Variants in MAN1A2 observed in about 807,000 individuals in gnomAD.
MAN1A2 encodes the protein mannosidase alpha class 1A member 2.
Under a neutral mutation model 75.7 loss-of-function variants are expected in MAN1A2, and 26 were observed. The observed-to-expected ratio is 0.34, with a 90% CI of 0.25 to 0.48. MAN1A2 has a LOEUF of 0.48. Ranked by LOEUF, MAN1A2 falls within the 20% of genes least tolerant of loss-of-function variation. MAN1A2 has a pLI of 0.99. For missense variants in MAN1A2, 562 were observed against 775.5 expected (o/e 0.72, Z 3.27); for synonymous variants, 247 against 264.6 (o/e 0.93, Z 0.65).
In MAN1A2 at chr1:117,393,486, T is replaced by G. The variant is rs377674417; in HGVS notation, c.303-8700T>G. On this transcript the variant is annotated intron_variant, in intron 1 of 12. Transcript: ENST00000356554. ...ATAACTGCTTCAACTATTTTTTTTTTTGTGTGTGTGTGTGTTTTCCTGGAT... is the reference window on the plus strand; with the variant it reads ...ATAACTGCTTCAACTATTTTTTTTTGTGTGTGTGTGTGTGTTTTCCTGGAT... 4.1e-3 allele frequency among the ~76,000 whole-genome samples: 616 copies of G among 151,474 alleles called. 2 individuals are homozygous for G. The highest frequency in any genetic ancestry group is 9.6e-3 in the South Asian group (46 of 4,792).
rs367659646 is a variant in MAN1A2 at position 117,457,629 on chromosome 1, T to C, written c.951-2860T>C. On this transcript the variant is annotated intron_variant, in intron 6 of 12. Transcript: ENST00000356554. ...GACTTTTGGCGAGATGTTCTTTTTA[T>C]AGAGAATGGCAAACTGTTGGACTTC... 2.2e-4 allele frequency among the ~76,000 whole-genome samples: 33 copies of C among 152,322 alleles called. 2 individuals carry two copies. In the East Asian group the frequency reaches 5.0e-3, roughly 23 times the overall value.
In MAN1A2 at chr1:117,526,868, CTCTCTCTCTCTCTATATATA is replaced by C. The variant is rs1396418026; in HGVS notation, c.*3913_*3932del. 5.0e-4 allele frequency: 47 copies of C among 94,264 alleles called. No homozygotes were observed. The highest frequency in any genetic ancestry group is 1.2e-3 in the Admixed American group (10 of 8,596). 5.8% of individuals were successfully genotyped at this position (94,264 alleles called of 1,614,324 possible). A position where few individuals can be genotyped will look rare whatever the true frequency, so the allele number is the denominator to read the frequency against. On this transcript the variant is annotated 3_prime_UTR_variant, in exon 13 of 13. Coordinates refer to ENST00000356554, the MANE Select transcript of MAN1A2 (RefSeq NM_006699.5). Reference sequence around the variant, plus strand: ...TCTCTCTCTCTCTCTCTCTCTCTCTCTCTCTCTCTCTCTATATATATATATATATATATATATATATGAGA... The same window carrying C: ...TCTCTCTCTCTCTCTCTCTCTCTCTCTATATATATATATATATATATGAGA...
intron 12 of MAN1A2, among the ~76,000 whole-genome samples, chr1:117,507,808 G>C (rs1651419877): frequency 6.6e-6 from 1 of 151,650 alleles, no homozygotes. Flanking sequence ...TGGTACTACT[G>C]TCCCCTCTCC....
chr1:117,498,705 C>T (rs186777461), intron 10 of MAN1A2, among the ~76,000 whole-genome samples: 2,085 of 151,922 alleles, frequency 0.014, 42 homozygotes, highest in South Asian at 0.035. Flanking sequence ...TTCAAGTCTT[C>T]TGTTGTTTTT....
chr1:117,414,204 C>A (rs561889241), intron 3 of MAN1A2, among the ~76,000 whole-genome samples: 1 of 151,372 alleles, frequency 6.6e-6, no homozygotes, highest in Non-Finnish European at 1.5e-5. Flanking sequence ...TTTTTTTCCA[C>A]TGTGGTTATC....
chr1:117,465,243 CA>C (rs1557961826), intron 7 of MAN1A2, among the ~76,000 whole-genome samples: 1 of 151,934 alleles, frequency 6.6e-6, no homozygotes, highest in Non-Finnish European at 1.5e-5. Flanking sequence ...TAAAAGGAGA[CA>C]GAAAGAAAAT....
chr1:117,475,010 A>G (rs186607934), intron 8 of MAN1A2, among the ~76,000 whole-genome samples: 2 of 151,944 alleles, frequency 1.3e-5, no homozygotes, highest in African/African-American at 4.8e-5. Context: ...TATGTTGTGT[A>G]TATCAGTAGT....
At chr1:117,502,242 A>G (rs536576867) in intron 11 of MAN1A2, among the ~76,000 whole-genome samples, 1 of 151,896 alleles carries the variant, frequency 6.6e-6, no homozygotes, top group East Asian at 1.9e-4. Context: ...CATTCAGCAC[A>G]TAGTAAATAC....
intron 1 of MAN1A2, among the ~76,000 whole-genome samples, chr1:117,383,659 C>T (rs528489011): frequency 6.6e-6 from 1 of 152,102 alleles, no homozygotes; most frequent in African/African-American, 2.4e-5. Flanking sequence ...CTTCTTGAGT[C>T]AGTTTTTATA....
intron 11 of MAN1A2, among the ~76,000 whole-genome samples, chr1:117,501,456 C>T (rs887696468): frequency 6.6e-6 from 1 of 151,738 alleles, no homozygotes; most frequent in South Asian, 2.1e-4. Context: ...AGCAGTATAG[C>T]GTGTCTTCTG....
chr1:117,403,892 T>C (rs1647525029), intron 2 of MAN1A2, among the ~76,000 whole-genome samples: 1 of 152,220 alleles, frequency 6.6e-6, no homozygotes, highest in Non-Finnish European at 1.5e-5. Flanking sequence ...AACTATGTTG[T>C]GTCAACTGTA....
intron 6 of MAN1A2, among the ~76,000 whole-genome samples, chr1:117,448,906 A>G (rs1168289994): frequency 6.6e-6 from 1 of 151,876 alleles, no homozygotes; most frequent in African/African-American, 2.4e-5. Context: ...ATTTGTGTCA[A>G]CTCTGTGTTG....
At chr1:117,442,171 G>A in intron 5 of MAN1A2, 60 bp from the exon 6 acceptor site, 1 of 1,047,202 alleles carries the variant, frequency 9.5e-7, no homozygotes, top group Non-Finnish European at 1.5e-6. Context: ...GAGAGAGAGA[G>A]CAATAAGTAA....
chr1:117,404,971 C>T (rs1647567009), intron 2 of MAN1A2, among the ~76,000 whole-genome samples: 1 of 151,984 alleles, frequency 6.6e-6, no homozygotes. Flanking sequence ...GGTGTGAACC[C>T]GGGAGGTGGA....
At chr1:117,514,970 A>G (rs1005237838) in intron 12 of MAN1A2, 5 of 502,206 alleles carry the variant, frequency 1.0e-5, no homozygotes, top group Non-Finnish European at 2.0e-5. Flanking sequence ...ATCAATATGT[A>G]CTTATAAGTA....
chr1:117,427,199 A>G (rs1005341270), intron 5 of MAN1A2, among the ~76,000 whole-genome samples: 1 of 152,126 alleles, frequency 6.6e-6, no homozygotes, highest in Admixed American at 6.5e-5. Context: ...GACCTGTTCT[A>G]AGGTAACCCA....
At chr1:117,391,801 C>T (rs895123118) in intron 1 of MAN1A2, among the ~76,000 whole-genome samples, 4 of 152,148 alleles carry the variant, frequency 2.6e-5, no homozygotes, top group African/African-American at 7.2e-5. Flanking sequence ...TCCCTTTATC[C>T]CAAATCACCC....
chr1:117,410,068 C>G (rs757237655), intron 3 of MAN1A2, among the ~76,000 whole-genome samples: 8 of 151,734 alleles, frequency 5.3e-5, no homozygotes, highest in Non-Finnish European at 1.2e-4. Flanking sequence ...ACTTAGAATA[C>G]CTAATACAAT....
At chr1:117,468,967 A>C (rs1291309589) in intron 8 of MAN1A2, among the ~76,000 whole-genome samples, 1 of 152,190 alleles carries the variant, frequency 6.6e-6, no homozygotes, top group Non-Finnish European at 1.5e-5. Flanking sequence ...TTTTAAATAA[A>C]AAGAGAATCC....
Sources: gnomAD v4.1 joint callset for allele counts (sites outside exome capture counted in the v4.1 genomes callset) on GRCh38, gnomAD v4.1.1 for gene constraint, MANE v1.5 for transcripts, NCBI Gene and HGNC (gene_info 2026-07-23, HGNC 2026-07-21) for gene names.